Variants in DIAPH2 observed in about 807,000 individuals in gnomAD.
The protein encoded by DIAPH2 is protein diaphanous homolog 2.
Under a neutral mutation model 92.7 loss-of-function variants are expected in DIAPH2, and 35 were observed. The observed-to-expected ratio is 0.38, with a 90% CI of 0.29 to 0.50. The LOEUF (loss-of-function observed/expected upper bound fraction) is 0.50, where lower values mean the gene tolerates loss of function less well. Among genes scored for constraint, DIAPH2 ranks in the 20% least tolerant of loss-of-function variants. The probability of loss-of-function intolerance (pLI) is 0.94; values close to 1 mark genes in which losing one functional copy is unlikely to be tolerated. For synonymous variants in DIAPH2, 301 were observed against 280.4 expected, an observed-to-expected ratio of 1.07 and a Z score of -0.73; for missense variants, 701 against 819.5, an observed-to-expected ratio of 0.86 and a Z score of 1.77.
At chrX:97,072,780 CTG>C (rs1214100180) in intron 17 of DIAPH2, among the ~76,000 whole-genome samples, 159 bp from the exon 18 acceptor site, 2 of 112,001 alleles carry the variant, frequency 1.8e-5, no homozygotes, top group Admixed American at 1.9e-4. Context: ...CTAAACAACT[CTG>C]TATTTTTATG....
intron 26 of DIAPH2, among the ~76,000 whole-genome samples, chrX:97,537,344 T>C (rs986108808): frequency 8.9e-6 from 1 of 111,869 alleles, no homozygotes; most frequent in African/African-American, 3.2e-5. Context: ...AATTTCAAAA[T>C]CCTATCTTAT....
chrX:97,110,509 A>C (rs2066971881), intron 20 of DIAPH2, among the ~76,000 whole-genome samples: 1 of 111,794 alleles, frequency 8.9e-6, no homozygotes, highest in South Asian at 3.7e-4. Flanking sequence ...GAAGTACATA[A>C]AATTATGAGT....
At chrX:97,276,946 A>C (rs914795172) in intron 23 of DIAPH2, among the ~76,000 whole-genome samples, 2 of 112,683 alleles carry the variant, frequency 1.8e-5, no homozygotes, top group African/African-American at 6.4e-5. Context: ...CCTAAGTGGT[A>C]CAATCTATGA....
rs189625691 is a variant in DIAPH2 at position 97,601,317 on chromosome X, T to C, written c.*2000T>C. The C allele has an allele frequency of 6.2e-4, 70 of 112,093 alleles. No individual in the cohort carries two copies. Among genetic ancestry groups the C allele is most frequent in the African/African-American group, 2.2e-3 (69 of 30,854 alleles). The allele number at this position is 112,093 out of a possible 1,213,427, so 9.2% of individuals were successfully genotyped here. A position where few individuals can be genotyped will look rare whatever the true frequency, so the allele number is the denominator to read the frequency against. ...GCTGGTCAAGGTAGAAATACTGATA[T>C]GTATCATCACCTTTTCCAGATACAA... On this transcript the variant is annotated 3_prime_UTR_variant, in exon 27 of 27. Coordinates refer to ENST00000324765, the MANE Select transcript of DIAPH2 (RefSeq NM_006729.5).
chrX:96,990,330 TA>T (rs1024014636), intron 17 of DIAPH2, among the ~76,000 whole-genome samples: 1 of 112,021 alleles, frequency 8.9e-6, no homozygotes, highest in African/African-American at 3.2e-5. Context: ...ATGGTTTGAT[TA>T]GGGGCTGAAA....
chrX:97,511,969 T>C (rs186870773), intron 26 of DIAPH2, among the ~76,000 whole-genome samples: 1,859 of 113,374 alleles, frequency 0.016, 27 homozygotes, highest in African/African-American at 0.057. Context: ...TCTAAAATTC[T>C]CTTTTTTGGT....
intron 26 of DIAPH2, among the ~76,000 whole-genome samples, chrX:97,489,269 G>C (rs1455260000): frequency 9.0e-6 from 1 of 111,264 alleles, no homozygotes; most frequent in Non-Finnish European, 1.9e-5. Flanking sequence ...ATTGATTTTT[G>C]TATGTTGATT....
At chrX:97,288,265 C>T (rs2068562002) in intron 23 of DIAPH2, among the ~76,000 whole-genome samples, 1 of 111,381 alleles carries the variant, frequency 9.0e-6, no homozygotes, top group African/African-American at 3.3e-5. Context: ...CCTAGTATAA[C>T]AGCAGAGATA....
chrX:97,065,632 T>C (rs1420792821), intron 17 of DIAPH2, among the ~76,000 whole-genome samples: 1 of 111,519 alleles, frequency 9.0e-6, no homozygotes, highest in Non-Finnish European at 1.9e-5. Flanking sequence ...TTTATGTATT[T>C]ACCGTATTTT....
intron 4 of DIAPH2, among the ~76,000 whole-genome samples, chrX:96,791,535 T>C: frequency 9.3e-6 from 1 of 107,376 alleles, no homozygotes; most frequent in Middle Eastern, 4.6e-3. Flanking sequence ...GACTCCTTTT[T>C]TTTTTTTTTT....
At chrX:96,745,490 T>A (rs1389533296) in intron 3 of DIAPH2, among the ~76,000 whole-genome samples, 1 of 112,346 alleles carries the variant, frequency 8.9e-6, no homozygotes, top group Non-Finnish European at 1.9e-5. Flanking sequence ...CCTTTCTTAC[T>A]CTGAAAATTG....
In DIAPH2 at chrX:97,099,678, TTTTA is replaced by T. The variant is rs2066893551; in HGVS notation, c.2248-12_2248-9del. On this transcript the variant is annotated splice_polypyrimidine_tract_variant and intron_variant, in intron 19 of 26. Transcript: ENST00000324765. ...ATACTAAAACACTAAACTTTTATAC[TTTTA>T]TTTCTTTTTAGAACCTTGTGAAACA... 1.8e-6 allele frequency: 2 copies of T among 1,103,922 alleles called. No homozygotes were observed. Among genetic ancestry groups the T allele is most frequent in the Non-Finnish European group, 2.4e-6 (2 of 829,513 alleles). The allele number at this position is 1,103,922 out of a possible 1,213,427, so 91.0% of individuals were successfully genotyped here.
Position 96,907,350 on chromosome X carries a change from C to T in DIAPH2, c.588-4978C>T, listed in dbSNP as rs112085379. ...TGAACTAAGCTGTTAAATAATGAAA[C>T]GTATGTTTGTCTGTCTAGGCATAGA... On this transcript the variant is annotated intron_variant, in intron 5 of 26. Coordinates refer to ENST00000324765, the MANE Select transcript of DIAPH2 (RefSeq NM_006729.5). Among the ~76,000 whole-genome samples, 1,047 of 111,995 alleles carry T rather than the reference C, an allele frequency of 9.3e-3. 8 individuals carry two copies. Among genetic ancestry groups the T allele is most frequent in the Middle Eastern group, 0.023 (5 of 216 alleles).
intron 21 of DIAPH2, among the ~76,000 whole-genome samples, chrX:97,129,327 C>T (rs2067121530): frequency 9.3e-6 from 1 of 107,754 alleles, no homozygotes; most frequent in Non-Finnish European, 1.9e-5. Context: ...CCACCGTGCC[C>T]AGCTAATTTT....
At chrX:96,792,699 A>G (rs755736118) in intron 4 of DIAPH2, among the ~76,000 whole-genome samples, 5 of 111,960 alleles carry the variant, frequency 4.5e-5, no homozygotes, top group Non-Finnish European at 9.4e-5. Flanking sequence ...ATCAGATTAG[A>G]TTGAATATTC....
chrX:97,490,007 A>T (rs2070714729), intron 26 of DIAPH2, among the ~76,000 whole-genome samples: 1 of 111,647 alleles, frequency 9.0e-6, no homozygotes, highest in South Asian at 3.7e-4. Context: ...TCTTCATTAA[A>T]TATTTGATAA....
At chrX:97,187,186 A>T (rs1474592220) in intron 22 of DIAPH2, among the ~76,000 whole-genome samples, 5 of 108,954 alleles carry the variant, frequency 4.6e-5, no homozygotes, top group Non-Finnish European at 9.5e-5. Flanking sequence ...ATAACAGGGA[A>T]TATGGGCACA....
intron 25 of DIAPH2, among the ~76,000 whole-genome samples, chrX:97,414,539 A>G (rs1469739576): frequency 9.2e-6 from 1 of 108,618 alleles, no homozygotes; most frequent in East Asian, 2.9e-4. Context: ...AGTCCCAGCT[A>G]CTTGGGAGGC....
At chrX:96,962,831 G>GT (rs1221436464) in intron 16 of DIAPH2, among the ~76,000 whole-genome samples, 13 of 109,921 alleles carry the variant, frequency 1.2e-4, no homozygotes, top group African/African-American at 2.0e-4. Context: ...TGTATCCGTT[G>GT]TTTTTTTCTT....
Sources: gnomAD v4.1 joint callset for allele counts (sites outside exome capture counted in the v4.1 genomes callset) on GRCh38, gnomAD v4.1.1 for gene constraint, MANE v1.5 for transcripts, NCBI Gene and HGNC (gene_info 2026-07-23, HGNC 2026-07-21) for gene names.